Variants in CCDC170 observed in about 807,000 individuals in gnomAD.
CCDC170 encodes coiled-coil domain containing 170, also known as coiled-coil domain-containing protein 170.
In CCDC170, 69 loss-of-function variants were observed where a neutral mutation model predicts 72.6. The ratio of observed to expected loss-of-function variants is 0.95; its 90% CI spans 0.78 to 1.16. CCDC170 has a LOEUF of 1.16. Ranked by LOEUF, CCDC170 falls within the 50% of genes most tolerant of loss-of-function variation. The pLI, the probability that CCDC170 is intolerant of heterozygous loss-of-function variation, is 0.00. For synonymous variants in CCDC170, 300 were observed against 303.9 expected, an observed-to-expected ratio of 0.99 and a Z score of 0.13; for missense variants, 852 against 832.5, an observed-to-expected ratio of 1.02 and a Z score of -0.29.
chr6:151,523,514 C>T (rs545278324), intron 1 of CCDC170, among the ~76,000 whole-genome samples: 21 of 151,770 alleles, frequency 1.4e-4, no homozygotes, highest in Middle Eastern at 3.4e-3. Context: ...GGTGAAACCC[C>T]GTCTCTACTA....
chr6:151,565,001 G>A (rs1317994209), intron 5 of CCDC170, among the ~76,000 whole-genome samples: 1 of 152,128 alleles, frequency 6.6e-6, no homozygotes, highest in Non-Finnish European at 1.5e-5. Flanking sequence ...CAGCTGGGGA[G>A]CACGTGCTTT....
At chr6:151,528,909 C>T (rs1167473104) in intron 1 of CCDC170, among the ~76,000 whole-genome samples, 1 of 151,758 alleles carries the variant, frequency 6.6e-6, no homozygotes, top group African/African-American at 2.4e-5. Flanking sequence ...CAAAAGATAA[C>T]CATAGTTAAC....
intron 1 of CCDC170, among the ~76,000 whole-genome samples, chr6:151,501,846 A>C (rs1006702472): frequency 6.6e-6 from 1 of 152,080 alleles, no homozygotes; most frequent in Non-Finnish European, 1.5e-5. Flanking sequence ...GGACAACTTG[A>C]TTTTTTTTAA....
chr6:151,560,283 G>T (rs1783055799), intron 5 of CCDC170, among the ~76,000 whole-genome samples: 2 of 151,986 alleles, frequency 1.3e-5, no homozygotes, highest in South Asian at 2.1e-4. Context: ...AGTTTTTCTT[G>T]GTGTTGATTT....
intron 10 of CCDC170, among the ~76,000 whole-genome samples, chr6:151,617,136 G>T (rs1382167703): frequency 6.6e-6 from 1 of 152,188 alleles, no homozygotes; most frequent in African/African-American, 2.4e-5. Flanking sequence ...AATGGAGGGT[G>T]CCTTTAATGA....
Position 151,573,465 on chromosome 6 carries a change from G to C in CCDC170, c.1066G>C (p.Asp356His), listed in dbSNP as rs769243058. The C allele has an allele frequency of 6.2e-7, 1 of 1,614,032 alleles. No individual in the cohort carries two copies. The highest frequency in any genetic ancestry group is 8.5e-7 in the Non-Finnish European group (1 of 1,179,908). Reference protein sequence around the residue: ...DTILEKIREMDSREESRDRMV... With the variant: ...DTILEKIREMHSREESRDRMV... ...CATTTTGGAGAAGATTCGAGAAATG[G>C]ACAGCCGGGAAGAAAGCAGGGACCG... The change falls in exon 6 of 11, where the codon GAC (aspartate) becomes CAC (histidine). Residue 356 changes from aspartate to histidine, a missense_variant. Transcript: ENST00000239374.
At chr6:151,597,650 A>G (rs1482693020) in intron 9 of CCDC170, among the ~76,000 whole-genome samples, 1 of 152,230 alleles carries the variant, frequency 6.6e-6, no homozygotes, top group African/African-American at 2.4e-5. Flanking sequence ...GGTCACCAGA[A>G]CTGGGGAGAC....
intron 6 of CCDC170, 44 bp downstream of exon 6, chr6:151,573,535 G>A: frequency 4.5e-6 from 7 of 1,556,062 alleles, no homozygotes; most frequent in Non-Finnish European, 6.1e-6. Flanking sequence ...AGAACAGTGA[G>A]CTCATTCATT....
chr6:151,512,597 TC>T (rs1330634080), intron 1 of CCDC170, among the ~76,000 whole-genome samples: 31 of 152,230 alleles, frequency 2.0e-4, no homozygotes, highest in Admixed American at 6.5e-5. Flanking sequence ...TGGGTTTGAA[TC>T]CAGGTTCTGC....
intron 1 of CCDC170, among the ~76,000 whole-genome samples, chr6:151,501,519 CT>C (rs1322829143): frequency 6.6e-6 from 1 of 152,118 alleles, no homozygotes; most frequent in Non-Finnish European, 1.5e-5. Context: ...ATAAAAAAGT[CT>C]CAATAAATGA....
intron 1 of CCDC170, among the ~76,000 whole-genome samples, chr6:151,526,698 C>T (rs1431000636): frequency 1.3e-5 from 2 of 151,152 alleles, no homozygotes; most frequent in Non-Finnish European, 2.9e-5. Flanking sequence ...GTTTTCTGTC[C>T]AGCAATATAA....
chr6:151,525,855 A>G (rs1782397557), intron 1 of CCDC170, among the ~76,000 whole-genome samples: 2 of 152,214 alleles, frequency 1.3e-5, no homozygotes, highest in African/African-American at 4.8e-5. Context: ...GTCACAGGGT[A>G]TATGCCAAAG....
intron 5 of CCDC170, among the ~76,000 whole-genome samples, chr6:151,550,306 A>G (rs1053013872): frequency 2.0e-5 from 3 of 151,876 alleles, no homozygotes; most frequent in African/African-American, 7.3e-5. Context: ...ATGCTGATAA[A>G]GGGAGCCTCC....
intron 6 of CCDC170, among the ~76,000 whole-genome samples, chr6:151,580,739 T>C (rs1230655768): frequency 6.6e-6 from 1 of 152,184 alleles, no homozygotes; most frequent in African/African-American, 2.4e-5. Context: ...AAGCACAGGA[T>C]TGAAGAGTTT....
intron 5 of CCDC170, among the ~76,000 whole-genome samples, chr6:151,552,213 T>C (rs1027446192): frequency 1.3e-5 from 2 of 152,122 alleles, no homozygotes; most frequent in African/African-American, 4.8e-5. Flanking sequence ...ATATTATGTA[T>C]TATATTTCAC....
chr6:151,608,735 G>T (rs1262389671), intron 9 of CCDC170, among the ~76,000 whole-genome samples: 2 of 152,200 alleles, frequency 1.3e-5, no homozygotes, highest in East Asian at 3.9e-4. Flanking sequence ...TGGAAGTGGG[G>T]TCAGACTGCC....
chr6:151,509,808 C>T (rs1782122376), intron 1 of CCDC170, among the ~76,000 whole-genome samples: 1 of 152,094 alleles, frequency 6.6e-6, no homozygotes, highest in South Asian at 2.1e-4. Flanking sequence ...AACTTTTAGC[C>T]AGGCATATAT....
chr6:151,499,559 A>G lies in CCDC170; in HGVS notation c.57+5374A>G, dbSNP rs150646789. 7.7e-4 allele frequency among the ~76,000 whole-genome samples: 95 copies of G among 123,028 alleles called. 10 individuals carry two copies. The highest frequency in any genetic ancestry group is 1.8e-3 in the South Asian group (7 of 3,872). The allele number at this position is 123,028 out of a possible 152,430, so 80.7% of individuals were successfully genotyped here. On this transcript the variant is annotated intron_variant, in intron 1 of 10. Coordinates refer to ENST00000239374, the MANE Select transcript of CCDC170 (RefSeq NM_025059.4). ...AGGCATGCTGTATAAGTGGAATCATACTGTATTTGACTATTCTAGGCACGC... is the reference window on the plus strand; with the variant it reads ...AGGCATGCTGTATAAGTGGAATCATGCTGTATTTGACTATTCTAGGCACGC...
intron 1 of CCDC170, among the ~76,000 whole-genome samples, chr6:151,512,247 T>C (rs1190496292): frequency 6.7e-6 from 1 of 149,902 alleles, no homozygotes; most frequent in African/African-American, 2.5e-5. Context: ...GCAGCCTCTG[T>C]CTCCTGGGTT....
Sources: allele counts gnomAD v4.1 joint callset (sites outside exome capture counted in the v4.1 genomes callset), GRCh38; gene constraint gnomAD v4.1.1; transcripts MANE v1.5; gene names NCBI Gene and HGNC (gene_info 2026-07-23, HGNC 2026-07-21).